THNSL1: variants seen among roughly 807,000 people sequenced by gnomAD.
THNSL1 encodes threonine synthase like 1, also known as threonine synthase-like 1.
A neutral mutation model predicts 50.4 loss-of-function variants in THNSL1; 48 were observed. That is an observed-to-expected ratio of 0.95 (90% confidence interval 0.76 to 1.21). The LOEUF (loss-of-function observed/expected upper bound fraction) is 1.21. Ranked by LOEUF, THNSL1 falls within the 50% of genes most tolerant of loss-of-function variation. The pLI is 0.00. For missense variants in THNSL1, 896 were observed against 871.7 expected, an observed-to-expected ratio of 1.03 and a Z score of -0.35; for synonymous variants, 309 against 306.1, an observed-to-expected ratio of 1.01 and a Z score of -0.10.
chr10:24,983,055 T>C, the THNSL1 span: 2 of 152,178 alleles, frequency 1.3e-5, no homozygotes, highest in Non-Finnish European at 2.9e-5. Context: ...AAACATCTCA[T>C]CCTGAATTGG....
chr10:24,972,660 C>T, the THNSL1 span, among the ~76,000 whole-genome samples: 1 of 152,062 alleles, frequency 6.6e-6, no homozygotes, highest in Non-Finnish European at 1.5e-5. Context: ...GGAGGAAAGA[C>T]CAATATCAAA....
At chr10:24,959,079 A>C in the THNSL1 span, among the ~76,000 whole-genome samples, 1 of 152,352 alleles carries the variant, frequency 6.6e-6, no homozygotes, top group East Asian at 1.9e-4. Context: ...CAAACTGATT[A>C]GCATCTGAGG....
chr10:24,989,420 ACT>A, the THNSL1 span, among the ~76,000 whole-genome samples: 1 of 152,040 alleles, frequency 6.6e-6, no homozygotes, highest in East Asian at 1.9e-4. Context: ...ACATGCCGTC[ACT>A]CTACATTTTC....
At chr10:25,008,378 A>G in the THNSL1 span, among the ~76,000 whole-genome samples, 1 of 152,252 alleles carries the variant, frequency 6.6e-6, no homozygotes, top group Non-Finnish European at 1.5e-5. Context: ...ACTCTGGATC[A>G]GGAGAAAATG....
At chr10:24,953,983 G>A in the THNSL1 span, among the ~76,000 whole-genome samples, 4 of 152,118 alleles carry the variant, frequency 2.6e-5, no homozygotes, top group East Asian at 1.9e-4. Flanking sequence ...GAAATGGGGG[G>A]TGTTGTTTCT....
In THNSL1 at chr10:25,025,182, G is replaced by A. The variant is rs1226592029; in HGVS notation, c.1959G>A (p.Val653=). 4 of 1,614,034 alleles carry A rather than the reference G, an allele frequency of 2.5e-6. No individual in the cohort carries two copies. Among genetic ancestry groups the A allele is most frequent in the Non-Finnish European group, 3.4e-6 (4 of 1,180,034 alleles). The change falls in exon 3 of 3, where the codon GTG becomes GTA. Residue 653 remains valine, a synonymous_variant. Transcript: ENST00000376356. The stretch of plus-strand genomic sequence containing the variant: ...TTGCAAAAGTGGTTGCAGATAGGGT[G>A]CAAGACAAAACTTGCCCTGTGATTA... ...TAVAKVVADR[V]QDKTCPVIIS...
the THNSL1 span, among the ~76,000 whole-genome samples, chr10:25,001,919 G>A: frequency 1.3e-5 from 2 of 152,000 alleles, no homozygotes; most frequent in Admixed American, 6.6e-5. Flanking sequence ...ATTTTTGATT[G>A]GATGCCAAAC....
At chr10:24,967,366 T>G in the THNSL1 span, among the ~76,000 whole-genome samples, 1 of 152,208 alleles carries the variant, frequency 6.6e-6, no homozygotes, top group Admixed American at 6.5e-5. Context: ...ATGGATGTTC[T>G]GCCCAGAAAT....
chr10:25,020,252 ATATC>A (rs1850691571), intron 1 of THNSL1, among the ~76,000 whole-genome samples: 1 of 135,868 alleles, frequency 7.4e-6, no homozygotes, highest in South Asian at 2.7e-4. Flanking sequence ...ATCTATATCT[ATATC>A]TATATCTATA....
At chr10:24,988,164 C>A in the THNSL1 span, among the ~76,000 whole-genome samples, 3 of 150,078 alleles carry the variant, frequency 2.0e-5, no homozygotes, top group African/African-American at 7.4e-5. Flanking sequence ...GTGGAGGTTG[C>A]AATGAGCCAA....
At chr10:25,015,082 G>A (rs186684126), upstream of THNSL1, among the ~76,000 whole-genome samples, 2 of 152,300 alleles carry the variant, frequency 1.3e-5, no homozygotes, top group East Asian at 1.9e-4. Flanking sequence ...AACATTTCAA[G>A]TCCTAGGAGA....
At chr10:25,017,509 A>G (rs1297712733) in intron 1 of THNSL1, among the ~76,000 whole-genome samples, 2 of 152,026 alleles carry the variant, frequency 1.3e-5, no homozygotes, top group African/African-American at 4.8e-5. Context: ...TTAAAACAAC[A>G]CAATGGCCTG....
the THNSL1 span, among the ~76,000 whole-genome samples, chr10:25,008,687 T>C: frequency 1.8e-4 from 28 of 152,134 alleles, 1 homozygote; most frequent in Admixed American, 1.8e-3. Context: ...TCAACCGTTG[T>C]GGAAGTGTGG....
chr10:24,983,862 A>T, the THNSL1 span: 1 of 152,344 alleles, frequency 6.6e-6, no homozygotes, highest in Non-Finnish European at 1.5e-5. Flanking sequence ...TTAGATATTT[A>T]GAGCTATTTT....
the THNSL1 span, among the ~76,000 whole-genome samples, chr10:24,990,866 TG>T: frequency 0.029 from 4,392 of 151,414 alleles, 141 homozygotes; most frequent in African/African-American, 0.079. Context: ...GGCTGAGGGG[TG>T]GGGGGGTGGA....
chr10:25,001,290 T>C, the THNSL1 span, among the ~76,000 whole-genome samples: 1 of 151,414 alleles, frequency 6.6e-6, no homozygotes, highest in South Asian at 2.1e-4. Flanking sequence ...ATAATTTTTC[T>C]TTTTTTTCCT....
the THNSL1 span, among the ~76,000 whole-genome samples, chr10:24,974,496 C>T: frequency 1.3e-5 from 2 of 152,234 alleles, no homozygotes; most frequent in South Asian, 4.1e-4. Flanking sequence ...ATGCCAGATA[C>T]TATTTAAATA....
At chr10:25,022,239 A>G (rs1420926018) in intron 2 of THNSL1, among the ~76,000 whole-genome samples, 3 of 152,186 alleles carry the variant, frequency 2.0e-5, no homozygotes, top group Non-Finnish European at 4.4e-5. Flanking sequence ...GACTTGGTCA[A>G]TATGGGAAAT....
chr10:24,955,324 G>A, the THNSL1 span, among the ~76,000 whole-genome samples: 1 of 152,144 alleles, frequency 6.6e-6, no homozygotes, highest in African/African-American at 2.4e-5. Context: ...TTTGGGTGGG[G>A]ACACAGAGCC....
Sources: gnomAD v4.1 joint callset for allele counts (sites outside exome capture counted in the v4.1 genomes callset) on GRCh38, gnomAD v4.1.1 for gene constraint, MANE v1.5 for transcripts, NCBI Gene and HGNC (gene_info 2026-07-23, HGNC 2026-07-21) for gene names.